TTLL5: variants seen among roughly 807,000 people sequenced by gnomAD.
TTLL5 encodes tubulin tyrosine ligase like 5.
TTLL5 carries 132 observed loss-of-function variants against 168.4 expected under a neutral mutation model. The ratio of observed to expected loss-of-function variants is 0.78; its 90% CI spans 0.68 to 0.91. TTLL5 has a LOEUF of 0.91. TTLL5 is among the 40% of genes least tolerant of loss of function. The pLI is 0.00. For synonymous variants in TTLL5, 546 were observed against 558.6 expected, an observed-to-expected ratio of 0.98 and a Z score of 0.32; for missense variants, 1,545 against 1,581.5, an observed-to-expected ratio of 0.98 and a Z score of 0.39.
chr14:75,788,707 CTCT>C (rs1339017610), intron 26 of TTLL5, among the ~76,000 whole-genome samples: 1 of 152,042 alleles, frequency 6.6e-6, no homozygotes, highest in Non-Finnish European at 1.5e-5. Context: ...TTTAAAAAAA[CTCT>C]TCTGGAGTGT....
chr14:75,676,784 T>C (rs1884195797), intron 3 of TTLL5, among the ~76,000 whole-genome samples: 1 of 151,844 alleles, frequency 6.6e-6, no homozygotes, highest in African/African-American at 2.4e-5. Flanking sequence ...TTTTTTTTTT[T>C]TTCTGAAACA....
rs60194482 is a variant in TTLL5 at position 75,811,156 on chromosome 14, A to AGAGAGAGTGT, written c.3172-8850_3172-8849insAGAGAGTGTG. On this transcript the variant is annotated intron_variant, in intron 27 of 31. Transcript: ENST00000298832. ...GGGAAAGAGAGGGAATGAAAGAAAG[A>AGAGAGAGTGT]GTGTGTGTGTGTGTGTGTGTGTGTG... Among the ~76,000 whole-genome samples, 31 of 116,626 alleles carry AGAGAGAGTGT rather than the reference A, an allele frequency of 2.7e-4. No homozygotes were observed. The South Asian group carries it at 4.4e-3, about 16-fold the overall frequency. 76.5% of individuals were successfully genotyped at this position (116,626 alleles called of 152,430 possible).
chr14:75,952,534 T>A (rs2034993358), intron 31 of TTLL5, among the ~76,000 whole-genome samples: 1 of 152,150 alleles, frequency 6.6e-6, no homozygotes, highest in Admixed American at 6.5e-5. Context: ...CCAAGAGAAA[T>A]GAAAACATAG....
At chr14:75,787,494 C>T (rs1054813042) in intron 26 of TTLL5, among the ~76,000 whole-genome samples, 6 of 152,256 alleles carry the variant, frequency 3.9e-5, no homozygotes, top group Middle Eastern at 6.8e-3. Context: ...AAAATAGCCT[C>T]CAAATATGTA....
intron 28 of TTLL5, among the ~76,000 whole-genome samples, chr14:75,826,449 TA>T (rs938790056): frequency 4.2e-4 from 62 of 145,910 alleles, no homozygotes; most frequent in South Asian, 8.8e-4. Context: ...ACTACAACGT[TA>T]AAAAAAAAAG....
chr14:75,925,901 C>T (rs1272498477), intron 31 of TTLL5, among the ~76,000 whole-genome samples: 1 of 151,936 alleles, frequency 6.6e-6, no homozygotes, highest in African/African-American at 2.4e-5. Flanking sequence ...AGTACGAAAA[C>T]CAGTCAGGCG....
chr14:75,675,947 G>A lies in TTLL5; in HGVS notation c.182-5598G>A, dbSNP rs186630164. On this transcript the variant is annotated intron_variant, in intron 3 of 31. Coordinates refer to ENST00000298832, the MANE Select transcript of TTLL5 (RefSeq NM_015072.5). ...TGCAAGTTGGAGACCCTGGGAAGTT[G>A]GTGGTCCAGTTTGAAAGCCTGTGAG... Among the ~76,000 whole-genome samples the A allele has an allele frequency of 1.4e-3, 218 of 152,318 alleles. 1 individual carries two copies. The highest frequency in any genetic ancestry group is 5.1e-3 in the African/African-American group (213 of 41,572).
chr14:75,815,429 GT>G (rs1030009538), intron 27 of TTLL5, among the ~76,000 whole-genome samples: 61 of 152,238 alleles, frequency 4.0e-4, no homozygotes, highest in South Asian at 1.0e-3. Flanking sequence ...CCACTTCTTG[GT>G]TTATCCATCA....
intron 31 of TTLL5, among the ~76,000 whole-genome samples, chr14:75,910,204 A>C (rs770372018): frequency 1.3e-5 from 2 of 152,210 alleles, no homozygotes; most frequent in Non-Finnish European, 2.9e-5. Context: ...AACAATTACT[A>C]CTTTGTTATA....
At chr14:75,669,264 A>G in intron 2 of TTLL5, 152 bp from the exon 3 acceptor site, 3 of 671,584 alleles carry the variant, frequency 4.5e-6, no homozygotes, top group Non-Finnish European at 7.5e-6. Flanking sequence ...ACACACAGCT[A>G]AGAATGGGAG....
chr14:75,922,712 G>T (rs530293395), intron 31 of TTLL5, among the ~76,000 whole-genome samples: 1 of 151,844 alleles, frequency 6.6e-6, no homozygotes, highest in Non-Finnish European at 1.5e-5. Flanking sequence ...TGTCTCTGCG[G>T]GGCTTTGGTA....
chr14:75,823,191 C>A (rs776998128), intron 28 of TTLL5, among the ~76,000 whole-genome samples: 1 of 152,114 alleles, frequency 6.6e-6, no homozygotes, highest in Admixed American at 6.5e-5. Flanking sequence ...GGTGCTGATA[C>A]GTGGGTGTGT....
At chr14:75,763,913 A>G (rs1890811454) in intron 18 of TTLL5, among the ~76,000 whole-genome samples, 2 of 152,098 alleles carry the variant, frequency 1.3e-5, no homozygotes, top group Non-Finnish European at 2.9e-5. Flanking sequence ...CTGTAACTCC[A>G]GACCTGTACT....
chr14:75,718,411 C>A (rs1050760556), intron 10 of TTLL5, among the ~76,000 whole-genome samples: 3 of 152,130 alleles, frequency 2.0e-5, no homozygotes, highest in African/African-American at 7.2e-5. Flanking sequence ...TAAGAATGTT[C>A]ATTACCATGT....
intron 6 of TTLL5, among the ~76,000 whole-genome samples, chr14:75,696,760 C>T (rs1466415222): frequency 6.6e-6 from 1 of 152,082 alleles, no homozygotes; most frequent in East Asian, 1.9e-4. Flanking sequence ...TTTTACATAC[C>T]CTCTAGAGAT....
chr14:75,880,358 A>T (rs1455035108), intron 29 of TTLL5, among the ~76,000 whole-genome samples: 1 of 152,194 alleles, frequency 6.6e-6, no homozygotes, highest in Non-Finnish European at 1.5e-5. Flanking sequence ...TATTGAATAG[A>T]TGTTCTTACC....
At chr14:75,753,047 T>C (rs1443935062) in intron 18 of TTLL5, 92 bp downstream of exon 18, 1 of 1,251,710 alleles carries the variant, frequency 8.0e-7, no homozygotes, top group East Asian at 2.4e-5. Context: ...ATAAAAGTCT[T>C]TATGTAAAAT....
chr14:75,728,093 C>T (rs946651239), intron 12 of TTLL5, among the ~76,000 whole-genome samples: 4 of 152,106 alleles, frequency 2.6e-5, no homozygotes, highest in East Asian at 3.9e-4. Context: ...CAGTGGCTCA[C>T]GCCTGTAATC....
At chr14:75,678,806 G>A (rs1884380786) in intron 3 of TTLL5, among the ~76,000 whole-genome samples, 1 of 152,112 alleles carries the variant, frequency 6.6e-6, no homozygotes, top group South Asian at 2.1e-4. Flanking sequence ...TGATCATTTG[G>A]TTAAGACTGT....
Sources: allele counts gnomAD v4.1 joint callset (sites outside exome capture counted in the v4.1 genomes callset), GRCh38; gene constraint gnomAD v4.1.1; transcripts MANE v1.5; gene names NCBI Gene and HGNC (gene_info 2026-07-23, HGNC 2026-07-21).